The following DST variants were observed in gnomAD, a reference collection of about 807,000 sequenced individuals.
DST encodes the protein dystonin, also known as bullous pemphigoid antigen.
DST carries 253 observed loss-of-function variants against 875.2 expected under a neutral mutation model. The ratio of observed to expected loss-of-function variants is 0.29; its 90% CI spans 0.26 to 0.32. The LOEUF (loss-of-function observed/expected upper bound fraction) is 0.32. Among genes scored for constraint, DST ranks in the 10% least tolerant of loss-of-function variants. The probability of loss-of-function intolerance (pLI) is 1.00; values close to 1 mark genes in which losing one functional copy is unlikely to be tolerated. For missense variants in DST, 8,287 were observed against 9,111.6 expected (o/e 0.91, Z 3.68); for synonymous variants, 3,124 against 3,197.1 (o/e 0.98, Z 0.77).
At chr6:56,516,071 T>C (rs951058025) in intron 71 of DST, among the ~76,000 whole-genome samples, 3 of 151,344 alleles carry the variant, frequency 2.0e-5, no homozygotes, top group Non-Finnish European at 2.9e-5. Flanking sequence ...CACACACACA[T>C]ATATATGTGT....
intron 39 of DST, 130 bp downstream of exon 39, chr6:56,610,297 T>C (rs1022137857): frequency 4.4e-6 from 3 of 676,866 alleles, no homozygotes; most frequent in Non-Finnish European, 4.6e-6. Context: ...AACATTTAAA[T>C]AAACTCAATC....
chr6:56,683,383 T>C (rs1487857197), intron 9 of DST, among the ~76,000 whole-genome samples: 1 of 152,234 alleles, frequency 6.6e-6, no homozygotes, highest in Non-Finnish European at 1.5e-5. Flanking sequence ...ATTATTGTAC[T>C]CTCATTCCCA....
intron 4 of DST, among the ~76,000 whole-genome samples, chr6:56,755,692 G>A (rs2099600581): frequency 6.6e-6 from 1 of 152,118 alleles, no homozygotes; most frequent in South Asian, 2.1e-4. Context: ...TTTAAGGCAA[G>A]TATTATAAAA....
intron 2 of DST, among the ~76,000 whole-genome samples, chr6:56,921,026 G>A (rs771498772): frequency 4.7e-5 from 7 of 148,974 alleles, no homozygotes; most frequent in Non-Finnish European, 1.0e-4. Context: ...TTACAGGCAT[G>A]AGCCACCACG....
chr6:56,628,753 C>G (rs930322219), intron 32 of DST, among the ~76,000 whole-genome samples: 1 of 152,152 alleles, frequency 6.6e-6, no homozygotes, highest in Non-Finnish European at 1.5e-5. Flanking sequence ...TGAGAAAGGA[C>G]ACGAATTCAT....
chr6:56,617,378 G>C, intron 36 of DST: 1 of 1,613,654 alleles, frequency 6.2e-7, no homozygotes, highest in Non-Finnish European at 8.5e-7. Context: ...TTTTAATGTT[G>C]TGACTTCTGT....
At chr6:56,916,319 T>C (rs1328784572) in intron 2 of DST, among the ~76,000 whole-genome samples, 2 of 152,084 alleles carry the variant, frequency 1.3e-5, no homozygotes, top group Non-Finnish European at 2.9e-5. Context: ...CTCCCCAGAG[T>C]TCCTGAACCT....
At position 56,501,219 on chromosome 6, in the gene DST, G is replaced by A; in HGVS notation, c.19757C>T (p.Ala6586Val). Residue 6586 changes from alanine to valine, a missense_variant, in exon 80 of 104, where the codon GCT (alanine) becomes GTT (valine). Ala to Val is a moderately conservative substitution (Grantham distance 64, BLOSUM62 0). This residue lies in a region of DST where 1,292 missense variants were observed against 1,552.7 expected (regional missense o/e 0.83). Coordinates refer to ENST00000680361, the MANE Select transcript of DST (RefSeq NM_001374736.1). ...TTGGAACTGACCCAAGGCTAATAGA[G>A]CACCCTCCAGTTTATGCTACAGAAA... Reference protein sequence around the residue: ...IINRQHKLEGALLALGQFQHA... With the variant: ...IINRQHKLEGVLLALGQFQHA... 1 of 1,596,206 alleles carries A rather than the reference G, an allele frequency of 6.3e-7. No individual in the cohort carries two copies. Among genetic ancestry groups the A allele is most frequent in the Non-Finnish European group, 8.5e-7 (1 of 1,174,648 alleles).
Position 56,607,585 on chromosome 6 carries a change from G to C in DST, c.7043C>G (p.Thr2348Arg). ...GCTAATGTCTGCAAGTTCAGTCTGTGTTAAATATGATATGAGACTGGGAAC... is the reference window on the plus strand; with the variant it reads ...GCTAATGTCTGCAAGTTCAGTCTGTCTTAAATATGATATGAGACTGGGAAC... ...VCVPSLISYL[T>R]QTELADISML... The change falls in exon 40 of 104, where the codon ACA becomes AGA. Residue 2348 changes from threonine to arginine, a missense_variant. Thr to Arg is a moderately conservative substitution (Grantham distance 71). Coordinates refer to ENST00000680361, the MANE Select transcript of DST (RefSeq NM_001374736.1). 3 of 1,612,776 alleles carry C rather than the reference G, an allele frequency of 1.9e-6. No individual in the cohort carries two copies. Among genetic ancestry groups the C allele is most frequent in the Non-Finnish European group, 2.5e-6 (3 of 1,179,364 alleles).
chr6:56,607,104 T>A lies in DST; in HGVS notation c.7524A>T (p.Lys2508Asn). 6.2e-7 allele frequency: 1 copy of A among 1,613,332 alleles called. No homozygotes were observed. Among genetic ancestry groups the A allele is most frequent in the South Asian group, 1.1e-5 (1 of 91,074 alleles). ...GATTACTAGAAATCATATTTAAAGATTTCTGTCCATACTGCTCTCCTGGTA... is the reference window on the plus strand; with the variant it reads ...GATTACTAGAAATCATATTTAAAGAATTCTGTCCATACTGCTCTCCTGGTA... ...ISLPGEQYGQ[K>N]SLNMISSNPQ... The change falls in exon 40 of 104, where the codon AAA (lysine) becomes AAT (asparagine). Residue 2508 changes from lysine to asparagine, a missense_variant. By Grantham distance (94) the Lys-to-Asn change is moderately conservative. Coordinates refer to ENST00000680361, the MANE Select transcript of DST (RefSeq NM_001374736.1).
intron 5 of DST, among the ~76,000 whole-genome samples, chr6:56,719,132 T>G (rs2099405251): frequency 6.6e-6 from 1 of 152,194 alleles, no homozygotes; most frequent in East Asian, 1.9e-4. Flanking sequence ...TGTTCACACA[T>G]GAAAAATATC....
At chr6:56,879,976 G>C (rs1781325361) in intron 3 of DST, among the ~76,000 whole-genome samples, 1 of 152,242 alleles carries the variant, frequency 6.6e-6, no homozygotes, top group Admixed American at 6.5e-5. Context: ...TAAAGTAGGT[G>C]CTATTGTAGC....
chr6:56,568,735 C>A, intron 54 of DST, 140 bp from the exon 55 acceptor site: 3 of 730,396 alleles, frequency 4.1e-6, no homozygotes, highest in South Asian at 4.3e-5. Flanking sequence ...GAAAAAGGCA[C>A]CTATTTGTTC....
At chr6:56,477,806 A>C (rs2152412856) in intron 90 of DST, among the ~76,000 whole-genome samples, 1 of 152,344 alleles carries the variant, frequency 6.6e-6, no homozygotes, top group South Asian at 2.1e-4. Flanking sequence ...ATATGACCTA[A>C]GTACATCCTC....
chr6:56,543,209 C>T (rs1253355894), intron 61 of DST, among the ~76,000 whole-genome samples: 1 of 152,342 alleles, frequency 6.6e-6, no homozygotes, highest in East Asian at 1.9e-4. Context: ...AGGTCCCTAT[C>T]CTTCAGTTGA....
chr6:56,717,006 C>T (rs1484767335), intron 5 of DST, among the ~76,000 whole-genome samples: 1 of 151,864 alleles, frequency 6.6e-6, no homozygotes, highest in Non-Finnish European at 1.5e-5. Context: ...ACGGTGAAAC[C>T]CCATCTCTAC....
rs550713202 is a variant in DST at position 56,764,936 on chromosome 6, G to A, written c.626-29647C>T. On this transcript the variant is annotated intron_variant, in intron 4 of 103. Transcript: ENST00000680361. ...CATGCCATTGCACTGCAGCCTGGGTGACAGAGTGAGACTCCATCAAGGAAG... is the reference window on the plus strand; with the variant it reads ...CATGCCATTGCACTGCAGCCTGGGTAACAGAGTGAGACTCCATCAAGGAAG... Among the ~76,000 whole-genome samples the A allele has an allele frequency of 9.9e-3, 1,335 of 135,208 alleles. 18 individuals are homozygous for A. Among genetic ancestry groups the A allele is most frequent in the African/African-American group, 0.033 (1,227 of 36,868 alleles). 88.7% of individuals were successfully genotyped at this position (135,208 alleles called of 152,430 possible). A position where few individuals can be genotyped will look rare whatever the true frequency, so the allele number is the denominator to read the frequency against.
intron 3 of DST, among the ~76,000 whole-genome samples, chr6:56,892,319 T>C (rs887950540): frequency 6.9e-6 from 1 of 144,202 alleles, no homozygotes. Flanking sequence ...CCAATTCCTA[T>C]CCCTTTTTTT....
At chr6:56,823,986 C>T (rs539862363) in intron 4 of DST, among the ~76,000 whole-genome samples, 12 of 145,156 alleles carry the variant, frequency 8.3e-5, no homozygotes, top group Admixed American at 1.3e-4. Flanking sequence ...TAAAAAATAT[C>T]CTCTGCCTCT....
Sources: allele counts gnomAD v4.1 joint callset (sites outside exome capture counted in the v4.1 genomes callset), GRCh38; gene constraint gnomAD v4.1.1; regional missense constraint gnomAD v4.1.1; transcripts MANE v1.5; gene names NCBI Gene and HGNC (gene_info 2026-07-23, HGNC 2026-07-21).